LARGE2: variants seen among roughly 807,000 people sequenced by gnomAD.
LARGE2 encodes LARGE xylosyl- and glucuronyltransferase 2, also known as xylosyl- and glucuronyltransferase LARGE2.
A neutral mutation model predicts 75.3 loss-of-function variants in LARGE2; 63 were observed. The observed-to-expected ratio is 0.84, with a 90% confidence interval of 0.68 to 1.03. The LOEUF is 1.03. Among genes scored for constraint, LARGE2 ranks in the 50% least tolerant of loss-of-function variants. The probability of loss-of-function intolerance (pLI) is 0.00; values close to 1 mark genes in which losing one functional copy is unlikely to be tolerated. For missense variants in LARGE2, 925 were observed against 980.6 expected (o/e 0.94, Z 0.76); for synonymous variants, 428 against 420.1 (o/e 1.02, Z -0.23).
In LARGE2 at chr11:45,924,890, G is replaced by T; in HGVS notation, c.769+1G>T. On this transcript the variant is annotated splice_donor_variant, in intron 6 of 13. Coordinates refer to ENST00000401752, the MANE Select transcript of LARGE2 (RefSeq NM_001300721.2). LOFTEE classifies it high-confidence loss of function. ...GCCTTGGGCCGGGGATTTAACACAG[G>T]TGGGGACAGTGGTGAGGGGAGGCAG... is the stretch of plus-strand genomic sequence containing the variant. The T allele has an allele frequency of 6.9e-7, 1 of 1,454,012 alleles. No homozygotes were observed. The highest frequency in any genetic ancestry group is 2.5e-5 in the East Asian group (1 of 39,954). 90.1% of individuals were successfully genotyped at this position (1,454,012 alleles called of 1,614,324 possible). A position where few individuals can be genotyped will look rare whatever the true frequency, so the allele number is the denominator to read the frequency against.
In LARGE2 at chr11:45,924,284, G is replaced by A. The variant is rs1348933484; in HGVS notation, c.492+7G>A. The A allele has an allele frequency of 1.2e-6, 2 of 1,612,446 alleles. No individual in the cohort carries two copies. The highest frequency in any genetic ancestry group is 4.5e-5 in the East Asian group (2 of 44,858). ...TCATGCCGACCAGCTCAAGGCAGGGGCCCAGCCCTTCCCCCCTCCCCTCAG... is the reference window on the plus strand; with the variant it reads ...TCATGCCGACCAGCTCAAGGCAGGGACCCAGCCCTTCCCCCCTCCCCTCAG... On this transcript the variant is annotated splice_region_variant and intron_variant, in intron 4 of 13. Coordinates refer to ENST00000401752, the MANE Select transcript of LARGE2 (RefSeq NM_001300721.2).
rs1182178523 is a variant in LARGE2 at position 45,922,931 on chromosome 11, C to T, written c.49C>T (p.Leu17=). The T allele has an allele frequency of 7.9e-7, 1 of 1,271,190 alleles. No individual in the cohort carries two copies. The highest frequency in any genetic ancestry group is 9.9e-7 in the Non-Finnish European group (1 of 1,011,400). The allele number at this position is 1,271,190 out of a possible 1,614,324, so 78.7% of individuals were successfully genotyped here. A position where few individuals can be genotyped will look rare whatever the true frequency, so the allele number is the denominator to read the frequency against. The change falls in exon 2 of 14, where the codon CTG becomes TTG. Residue 17 remains leucine (L), a synonymous_variant. Transcript: ENST00000401752. The part of the protein sequence containing the change: ...PRALGAAALL[L]LLLLLGFLLF... ...GGCGCTGGGGGCCGCCGCGCTGTTGCTGCTGCTGCTGCTGCTCGGATTCCT... is the reference window on the plus strand; with the variant it reads ...GGCGCTGGGGGCCGCCGCGCTGTTGTTGCTGCTGCTGCTGCTCGGATTCCT...
intron 2 of LARGE2, 31 bp from the exon 3 acceptor site, chr11:45,923,442 G>GA (rs749740996): frequency 1.4e-4 from 214 of 1,507,330 alleles, no homozygotes; most frequent in Non-Finnish European, 1.8e-4. Context: ...GGAGAAGGGG[G>GA]GCTGCTGCCG....
Position 45,926,729 on chromosome 11 carries a change from C to T in LARGE2, c.1183C>T (p.Gln395Ter). The T allele has an allele frequency of 6.2e-7, 1 of 1,613,558 alleles. No individual in the cohort carries two copies. The highest frequency in any genetic ancestry group is 1.6e-4 in the Middle Eastern group (1 of 6,062). ...CCCTCAGTTGCAGCAGGCCCTGGCA[C>T]AACTGGACGAGGAAGACCCCTGCTT... ...GAEQLQQALA[Q>*]LDEEDPCFEF... Residue 395 changes from glutamine (Q) to a stop codon, truncating the protein, a stop_gained, in exon 10 of 14, where the codon CAA becomes TAA. Transcript: ENST00000401752. LOFTEE classifies it high-confidence loss of function.
intron 9 of LARGE2, 23 bp from the exon 10 acceptor site, chr11:45,926,688 C>CT: frequency 6.2e-7 from 1 of 1,611,856 alleles, no homozygotes; most frequent in Non-Finnish European, 8.5e-7. Flanking sequence ...ATCCCCGGTC[C>CT]TTGTCACCCC....
At chr11:45,927,794 C>T in intron 11 of LARGE2, 126 bp from the exon 12 acceptor site, 1 of 1,491,996 alleles carries the variant, frequency 6.7e-7, no homozygotes, top group Non-Finnish European at 9.2e-7. Flanking sequence ...GTGGTTGTGC[C>T]CACCCGTCGC....
In LARGE2 at chr11:45,924,681, A is replaced by C; in HGVS notation, c.664+4A>C. The C allele has an allele frequency of 1.9e-6, 3 of 1,607,306 alleles. No homozygotes were observed. Among genetic ancestry groups the C allele is most frequent in the Non-Finnish European group, 2.5e-6 (3 of 1,176,828 alleles). On this transcript the variant is annotated splice_donor_region_variant and intron_variant, in intron 5 of 13. Coordinates refer to ENST00000401752, the MANE Select transcript of LARGE2 (RefSeq NM_001300721.2). ...GCCCTCTTTGCTCACTTTTCTGGTG[A>C]GAGGCCTGGGAGCCTGCCTGGCCTG...
Position 45,926,616 on chromosome 11 carries a change from C to T in LARGE2, c.1164+19C>T, listed in dbSNP as rs2087162852. The T allele has an allele frequency of 6.2e-7, 1 of 1,613,864 alleles. No homozygotes were observed. The highest frequency in any genetic ancestry group is 8.5e-7 in the Non-Finnish European group (1 of 1,179,880). On this transcript the variant is annotated intron_variant, in intron 9 of 13. Coordinates refer to ENST00000401752, the MANE Select transcript of LARGE2 (RefSeq NM_001300721.2). ...TGAGCAGGTGAGAAGGAGTCACCTTCCCCTGCCCCTCTCTGCTTTGGTGGG... is the reference window on the plus strand; with the variant it reads ...TGAGCAGGTGAGAAGGAGTCACCTTTCCCTGCCCCTCTCTGCTTTGGTGGG...
chr11:45,925,740 G>A (rs191566410), intron 6 of LARGE2, among the ~76,000 whole-genome samples: 46 of 152,170 alleles, frequency 3.0e-4, no homozygotes, highest in African/African-American at 1.1e-3. Flanking sequence ...CCAGCTACTC[G>A]GTGGGGGTTG....
chr11:45,926,177 G>A lies in LARGE2; in HGVS notation c.882+26G>A, dbSNP rs201480161. 6.8e-6 allele frequency: 11 copies of A among 1,608,902 alleles called. No individual in the cohort carries two copies. The African/African-American group carries it at 8.0e-5, about 12-fold the overall frequency. The stretch of plus-strand genomic sequence containing the variant: ...GTCTGAGGAAGCCTTGCCGGGTGGG[G>A]TGTGGCAGGCTGGGGGCTGGGATGT... On this transcript the variant is annotated intron_variant, in intron 7 of 13. Coordinates refer to ENST00000401752, the MANE Select transcript of LARGE2 (RefSeq NM_001300721.2).
At position 45,927,992 on chromosome 11, in the gene LARGE2, G is replaced by A. The variant is rs781100368; in HGVS notation, c.1677G>A (p.Leu559=). 1.9e-6 allele frequency: 3 copies of A among 1,613,794 alleles called. No homozygotes were observed. The African/African-American group carries it at 4.0e-5, about 22-fold the overall frequency. Residue 559 remains leucine, a synonymous_variant, in exon 12 of 14, where the codon CTG becomes CTA. Coordinates refer to ENST00000401752, the MANE Select transcript of LARGE2 (RefSeq NM_001300721.2). ...TGGTGGTGCCGGCATTCGAGACCCT[G>A]CGCTACCGCTTCAGCTTCCCCCATT... ...AALVVPAFET[L]RYRFSFPHSK...
In LARGE2 at chr11:45,928,623, C is replaced by CTCCTGGTG; in HGVS notation, c.1951-7_1951-6insTCCTGGTG. On this transcript the variant is annotated splice_region_variant and splice_polypyrimidine_tract_variant and intron_variant, in intron 13 of 13. Transcript: ENST00000401752. ...GGCAGCCACTGCTCCTCTGCCCCAC[C>CTCCTGGTG]CTGCAGGAATATGAGCTCCTGGTGC... The CTCCTGGTG allele has an allele frequency of 6.2e-7, 1 of 1,611,668 alleles. No individual in the cohort carries two copies. The highest frequency in any genetic ancestry group is 8.5e-7 in the Non-Finnish European group (1 of 1,178,222).
At chr11:45,927,274 G>A in intron 10 of LARGE2, 41 bp from the exon 11 acceptor site, 3 of 1,580,030 alleles carry the variant, frequency 1.9e-6, no homozygotes, top group South Asian at 2.3e-5. Context: ...GAGCTCCTGT[G>A]CAAGAGGGGC....
chr11:45,924,351 GGAGAA>G (rs2134726339), intron 4 of LARGE2, 74 bp downstream of exon 4: 2 of 1,586,110 alleles, frequency 1.3e-6, no homozygotes, highest in South Asian at 2.2e-5. Context: ...TGGTGGGGTT[GGAGAA>G]GAGAATCATC....
chr11:45,928,033 T>C lies in LARGE2; in HGVS notation c.1718T>C (p.Leu573Ser). The change falls in exon 12 of 14, where the codon TTG becomes TCG. Residue 573 changes from leucine (L) to serine (S), a missense_variant. This residue lies in a region of LARGE2 where 469 missense variants were observed against 503.8 expected (regional missense o/e 0.93). Coordinates refer to ENST00000401752, the MANE Select transcript of LARGE2 (RefSeq NM_001300721.2). Reference sequence around the variant, plus strand: ...TTCCCCCATTCCAAGGTGGAGCTGTTGGCCTTGCTGGATGCGGGCACTCTC... The same window carrying C: ...TTCCCCCATTCCAAGGTGGAGCTGTCGGCCTTGCTGGATGCGGGCACTCTC... The part of the protein sequence containing the change: ...FSFPHSKVEL[L>S]ALLDAGTLYT... The C allele has an allele frequency of 6.2e-7, 1 of 1,613,966 alleles. No individual in the cohort carries two copies. Among genetic ancestry groups the C allele is most frequent in the South Asian group, 1.1e-5 (1 of 91,088 alleles).
At chr11:45,922,435 C>G (rs1170883366), upstream of LARGE2, among the ~76,000 whole-genome samples, 1 of 152,032 alleles carries the variant, frequency 6.6e-6, no homozygotes, top group Non-Finnish European at 1.5e-5. Context: ...TAGCGGGGCC[C>G]GGGCCTTCGC....
intron 6 of LARGE2, among the ~76,000 whole-genome samples, chr11:45,925,516 G>A (rs1484272854): frequency 6.6e-6 from 1 of 151,878 alleles, no homozygotes; most frequent in Non-Finnish European, 1.5e-5. Context: ...ATTAGCCAGG[G>A]GTGGTATCAC....
rs1356393123 is a variant in LARGE2 at position 45,924,191 on chromosome 11, G to T, written c.406G>T (p.Val136Leu). The part of the protein sequence containing the change: ...PLHLHLVTDA[V>L]ARNILETLFH... ...GCACCTCCACTTGGTGACTGACGCC[G>T]TGGCCAGAAACATCCTGGAGACGCT... Residue 136 changes from valine to leucine, a missense_variant, in exon 4 of 14, where the codon GTG becomes TTG. Physicochemically the swap from Val to Leu is conservative, Grantham distance 32. Transcript: ENST00000401752. 1.2e-6 allele frequency: 2 copies of T among 1,612,782 alleles called. No individual in the cohort carries two copies. Among genetic ancestry groups the T allele is most frequent in the Non-Finnish European group, 8.5e-7 (1 of 1,179,924 alleles).
At position 45,926,219 on chromosome 11, in the gene LARGE2, C is replaced by T. The variant is rs375871543; in HGVS notation, c.883-3C>T. On this transcript the variant is annotated splice_region_variant and splice_polypyrimidine_tract_variant and intron_variant, in intron 7 of 13. Transcript: ENST00000401752. ...CTGGGATGTGATGGGTGTCTCTGCT[C>T]AGGACATCTTCAACGCTGTGATCAA... is the stretch of plus-strand genomic sequence containing the variant. The T allele has an allele frequency of 2.0e-4, 326 of 1,613,794 alleles. No individual in the cohort carries two copies. The highest frequency in any genetic ancestry group is 2.7e-4 in the Non-Finnish European group (319 of 1,179,882).
Sources: gnomAD v4.1 joint callset for allele counts (sites outside exome capture counted in the v4.1 genomes callset) on GRCh38, gnomAD v4.1.1 for gene constraint, gnomAD v4.1.1 regional missense constraint, MANE v1.5 for transcripts, NCBI Gene and HGNC (gene_info 2026-07-23, HGNC 2026-07-21) for gene names.